The following PHIP variants were observed in gnomAD, a reference collection of about 807,000 sequenced individuals.
PHIP encodes the protein PH-interacting protein.
A neutral mutation model predicts 236.8 loss-of-function variants in PHIP; 54 were observed. That is an observed-to-expected ratio of 0.23 (90% CI 0.18 to 0.29). The LOEUF (loss-of-function observed/expected upper bound fraction) is 0.29, where lower values mean the gene tolerates loss of function less well. Ranked by LOEUF, PHIP falls within the 10% of genes least tolerant of loss-of-function variation. The pLI, the probability that PHIP is intolerant of heterozygous loss-of-function variation, is 1.00. For missense variants in PHIP, 1,370 were observed against 2,190.8 expected (o/e 0.63, Z 7.48); for synonymous variants, 756 against 718.9 (o/e 1.05, Z -0.83).
intron 19 of PHIP, among the ~76,000 whole-genome samples, chr6:78,995,710 T>G (rs192673794): frequency 1.3e-5 from 2 of 152,216 alleles, no homozygotes; most frequent in South Asian, 2.1e-4. Context: ...CATTCTCCGG[T>G]TGGATTCTGT....
At chr6:78,978,492 A>G (rs1052127683) in intron 24 of PHIP, 100 bp downstream of exon 24, 2 of 879,266 alleles carry the variant, frequency 2.3e-6, no homozygotes, top group Admixed American at 4.9e-5. Flanking sequence ...GAGATACTTT[A>G]CAAAACTGCT....
At chr6:78,966,165 G>C (rs563235402) in intron 27 of PHIP, 109 bp from the exon 28 acceptor site, 10 of 671,374 alleles carry the variant, frequency 1.5e-5, no homozygotes, top group African/African-American at 1.1e-4. Flanking sequence ...GATTTCAGAA[G>C]ACAAAAAGTG....
In PHIP at chr6:78,935,619, A is replaced by AT. The variant is rs1423924055; in HGVS notation, c.*5073dup. 2 of 981,364 alleles carry AT rather than the reference A, an allele frequency of 2.0e-6. No homozygotes were observed. The highest frequency in any genetic ancestry group is 2.4e-6 in the Non-Finnish European group (2 of 826,286). The allele number at this position is 981,364 out of a possible 1,614,324, so 60.8% of individuals were successfully genotyped here. On this transcript the variant is annotated 3_prime_UTR_variant, in exon 40 of 40. Transcript: ENST00000275034. The stretch of plus-strand genomic sequence containing the variant: ...ATTAAATGTACACATAAAAAGGCAT[A>AT]TAAGTTTTTGACCTTCAGTTGTTTT...
rs562084501 is a variant in PHIP, at chr6:78,945,575, T to C, written c.4631-78A>G. On this transcript the variant is annotated intron_variant, in intron 38 of 39. Transcript: ENST00000275034. The stretch of plus-strand genomic sequence containing the variant: ...AGAAAAAAGGTTAACCTGAATTATT[T>C]GAATTAGCCAAGACAACAAAACCTG... 6 of 892,420 alleles carry C rather than the reference T, an allele frequency of 6.7e-6. No homozygotes were observed. The African/African-American group carries it at 8.5e-5, about 13-fold the overall frequency. The allele number at this position is 892,420 out of a possible 1,614,324, so 55.3% of individuals were successfully genotyped here. A position where few individuals can be genotyped will look rare whatever the true frequency, so the allele number is the denominator to read the frequency against.
chr6:78,990,801 A>C lies in PHIP; in HGVS notation c.2319+67T>G, dbSNP rs527520348. The C allele has an allele frequency of 1.6e-5, 13 of 796,090 alleles. No homozygotes were observed. The African/African-American group carries it at 1.8e-4, about 11-fold the overall frequency. The allele number at this position is 796,090 out of a possible 1,614,324, so 49.3% of individuals were successfully genotyped here. A position where few individuals can be genotyped will look rare whatever the true frequency, so the allele number is the denominator to read the frequency against. On this transcript the variant is annotated intron_variant, in intron 20 of 39. Transcript: ENST00000275034. ...TTATAATACCATGTTAAATTACAAA[A>C]TGGAGCCTTAAAATGGTCACTATAC...
At chr6:79,064,370 T>C (rs575680215) in intron 4 of PHIP, among the ~76,000 whole-genome samples, 5 of 152,162 alleles carry the variant, frequency 3.3e-5, no homozygotes, top group Non-Finnish European at 7.4e-5. Flanking sequence ...GGCTACCCCT[T>C]TCCCGTTCTC....
At chr6:79,059,591 T>TTTTATATATATATATATATA (rs1554212509) in intron 6 of PHIP, among the ~76,000 whole-genome samples, 1 of 84,736 alleles carries the variant, frequency 1.2e-5, no homozygotes, top group Non-Finnish European at 2.3e-5. Flanking sequence ...GAAAGCAAAA[T>TTTTATATATATATATATATA]TATATATATA....
intron 31 of PHIP, among the ~76,000 whole-genome samples, chr6:78,958,813 G>A (rs1766587369): frequency 6.6e-6 from 1 of 152,074 alleles, no homozygotes; most frequent in Admixed American, 6.6e-5. Context: ...CATACAAGAT[G>A]TCTGGAATGG....
At chr6:79,073,343 T>C (rs1773989854) in intron 4 of PHIP, among the ~76,000 whole-genome samples, 1 of 152,152 alleles carries the variant, frequency 6.6e-6, no homozygotes. Context: ...TATTCATCAT[T>C]ATAACGACCA....
At chr6:78,983,152 A>G in intron 22 of PHIP, 35 bp from the exon 23 acceptor site, 1 of 1,125,404 alleles carries the variant, frequency 8.9e-7, no homozygotes, top group Non-Finnish European at 1.3e-6. Context: ...GATAACACAC[A>G]AGATAAAATT....
chr6:79,046,481 A>T (rs1772492094), intron 6 of PHIP, among the ~76,000 whole-genome samples: 1 of 152,162 alleles, frequency 6.6e-6, no homozygotes, highest in African/African-American at 2.4e-5. Context: ...CTCCTACTAC[A>T]AGATAACAAA....
At chr6:78,954,047 A>G (rs1267627555) in intron 35 of PHIP, among the ~76,000 whole-genome samples, 2 of 152,184 alleles carry the variant, frequency 1.3e-5, no homozygotes. Flanking sequence ...CATAACCTAA[A>G]TATATACAAT....
intron 23 of PHIP, among the ~76,000 whole-genome samples, chr6:78,982,028 T>G (rs545739031): frequency 7.5e-4 from 114 of 151,992 alleles, no homozygotes; most frequent in Non-Finnish European, 1.3e-3. Context: ...TTGAAAGCTC[T>G]GTGGGAATAA....
At chr6:79,061,187 T>G (rs529944037) in intron 4 of PHIP, among the ~76,000 whole-genome samples, 3 of 152,288 alleles carry the variant, frequency 2.0e-5, no homozygotes, top group East Asian at 1.9e-4. Context: ...AACCATGACA[T>G]GAAATGCTAA....
At chr6:78,974,804 T>C (rs1203698333) in intron 24 of PHIP, among the ~76,000 whole-genome samples, 2 of 150,544 alleles carry the variant, frequency 1.3e-5, no homozygotes, top group Non-Finnish European at 3.0e-5. Context: ...ACACATACAC[T>C]CTCCCAAGAC....
intron 32 of PHIP, chr6:78,956,375 G>A (rs1447784317): frequency 1.3e-5 from 2 of 151,974 alleles, no homozygotes; most frequent in Non-Finnish European, 2.9e-5. Flanking sequence ...CATAAATTAA[G>A]CCCTCATCAA....
rs529739709 is a variant in PHIP at position 79,031,642 on chromosome 6, A to G, written c.601-5478T>C. Among the ~76,000 whole-genome samples, 6 of 152,350 alleles carry G rather than the reference A, an allele frequency of 3.9e-5. No homozygotes were observed. In the East Asian group the frequency reaches 1.2e-3, roughly 29 times the overall value. ...CACACCTGAAAAAAACACACATATT[A>G]TGATAAAGAAATGTGCCTTAAAAAC... is the stretch of plus-strand genomic sequence containing the variant. On this transcript the variant is annotated intron_variant, in intron 7 of 39. Transcript: ENST00000275034.
At chr6:78,993,211 C>G (rs995981876) in intron 19 of PHIP, among the ~76,000 whole-genome samples, 11 of 152,198 alleles carry the variant, frequency 7.2e-5, no homozygotes, top group Non-Finnish European at 1.5e-4. Context: ...AAGTTGGAAG[C>G]TAGCAGAGGT....
chr6:79,077,160 C>T (rs965540701), intron 4 of PHIP, among the ~76,000 whole-genome samples: 4 of 151,846 alleles, frequency 2.6e-5, no homozygotes, highest in African/African-American at 9.7e-5. Flanking sequence ...GCGCGCCGGC[C>T]CCTCCTCCTC....
Sources: allele counts gnomAD v4.1 joint callset (sites outside exome capture counted in the v4.1 genomes callset), GRCh38; gene constraint gnomAD v4.1.1; transcripts MANE v1.5; gene names NCBI Gene and HGNC (gene_info 2026-07-23, HGNC 2026-07-21).